The following CNNM2 variants were observed in gnomAD, a reference collection of about 807,000 sequenced individuals.
The protein encoded by CNNM2 is cyclin and CBS domain divalent metal cation transport mediator 2.
A neutral mutation model predicts 66.9 loss-of-function variants in CNNM2; 12 were observed. The ratio of observed to expected loss-of-function variants is 0.18; its 90% confidence interval spans 0.11 to 0.29. The LOEUF (loss-of-function observed/expected upper bound fraction) is 0.29, where lower values mean the gene tolerates loss of function less well. Among genes scored for constraint, CNNM2 ranks in the 10% least tolerant of loss-of-function variants. CNNM2 has a pLI of 1.00. For synonymous variants in CNNM2, 557 were observed against 501.8 expected, an observed-to-expected ratio of 1.11 and a Z score of -1.47; for missense variants, 705 against 1,167.7, an observed-to-expected ratio of 0.60 and a Z score of 5.77.
At chr10:102,945,259 C>T (rs1162761140) in intron 1 of CNNM2, among the ~76,000 whole-genome samples, 1 of 152,052 alleles carries the variant, frequency 6.6e-6, no homozygotes, top group African/African-American at 2.4e-5. Flanking sequence ...GTTCAAAGCA[C>T]CTTATTTTCC....
intron 1 of CNNM2, among the ~76,000 whole-genome samples, chr10:103,022,796 C>T (rs1453482723): frequency 2.6e-5 from 4 of 152,148 alleles, no homozygotes; most frequent in African/African-American, 9.7e-5. Flanking sequence ...CTGGCATCTG[C>T]TCCTGGTGAG....
intron 1 of CNNM2, among the ~76,000 whole-genome samples, chr10:102,936,995 A>G (rs1472344899): frequency 6.6e-6 from 1 of 152,044 alleles, no homozygotes; most frequent in Non-Finnish European, 1.5e-5. Context: ...CATTTATGCC[A>G]TTTTTTCCTC....
Position 103,054,212 on chromosome 10 carries a change from C to T in CNNM2, c.1766-117C>T. 1 of 1,181,176 alleles carries T rather than the reference C, an allele frequency of 8.5e-7. No homozygotes were observed. Among genetic ancestry groups the T allele is most frequent in the South Asian group, 1.5e-5 (1 of 64,594 alleles). The allele number at this position is 1,181,176 out of a possible 1,614,324, so 73.2% of individuals were successfully genotyped here. On this transcript the variant is annotated intron_variant, in intron 2 of 7. Transcript: ENST00000369878. The surrounding 1 kb of genome is among the most constrained non-coding windows in gnomAD (Gnocchi z 5.2). The stretch of plus-strand genomic sequence containing the variant: ...CCCGTGGCATCTGTGCATAGAGCGC[C>T]TGCATCTGGAAATACAGTCCAGCTC...
At chr10:102,963,277 C>G (rs1251522214) in intron 1 of CNNM2, among the ~76,000 whole-genome samples, 3 of 152,202 alleles carry the variant, frequency 2.0e-5, no homozygotes, top group African/African-American at 7.2e-5. Context: ...CTGTCCTTGA[C>G]TTCTTCCCCT....
At chr10:102,996,404 T>G (rs1306424906) in intron 1 of CNNM2, among the ~76,000 whole-genome samples, 1 of 152,218 alleles carries the variant, frequency 6.6e-6, no homozygotes, top group African/African-American at 2.4e-5. Context: ...TGTTTATAAC[T>G]GCAATTAAGA....
chr10:103,046,904 G>A (rs142970202), intron 1 of CNNM2, among the ~76,000 whole-genome samples: 3 of 152,284 alleles, frequency 2.0e-5, no homozygotes, highest in Admixed American at 2.0e-4. Context: ...TTTATTAAAG[G>A]TTAGTTGTAA....
At chr10:103,020,446 T>C (rs1156952281) in intron 1 of CNNM2, among the ~76,000 whole-genome samples, 1 of 152,074 alleles carries the variant, frequency 6.6e-6, no homozygotes, top group Non-Finnish European at 1.5e-5. Flanking sequence ...ATGAGCACTT[T>C]TGAATTCTTG....
At chr10:102,984,671 TA>T (rs527543040) in intron 1 of CNNM2, among the ~76,000 whole-genome samples, 65 of 152,334 alleles carry the variant, frequency 4.3e-4, no homozygotes, top group Non-Finnish European at 1.3e-4. Flanking sequence ...ACTTCTATCT[TA>T]TTTTTTTGAG....
intron 1 of CNNM2, among the ~76,000 whole-genome samples, chr10:102,972,921 A>G (rs1564826552): frequency 6.6e-6 from 1 of 152,184 alleles, no homozygotes; most frequent in African/African-American, 2.4e-5. Context: ...TATCTTGACA[A>G]TTGTGTTAAA....
At chr10:102,961,915 A>C (rs2063385412) in intron 1 of CNNM2, among the ~76,000 whole-genome samples, 1 of 128,356 alleles carries the variant, frequency 7.8e-6, no homozygotes, top group Non-Finnish European at 1.8e-5. Flanking sequence ...TAAATTAAAT[A>C]TTAAAAAAAA....
chr10:103,034,937 C>T (rs931080333), intron 1 of CNNM2, among the ~76,000 whole-genome samples: 8 of 139,536 alleles, frequency 5.7e-5, no homozygotes, highest in East Asian at 2.1e-4. Context: ...CTGCAGTCTG[C>T]AGTCCGGCCT....
chr10:103,017,609 A>C (rs762157726), intron 1 of CNNM2, among the ~76,000 whole-genome samples: 1 of 152,230 alleles, frequency 6.6e-6, no homozygotes, highest in Non-Finnish European at 1.5e-5. Flanking sequence ...AAGTGGAGAC[A>C]GGAAGAGCAA....
intron 4 of CNNM2, 141 bp from the exon 5 acceptor site, chr10:103,068,488 A>G (rs753859590): frequency 3.5e-5 from 25 of 721,040 alleles, no homozygotes; most frequent in Non-Finnish European, 5.5e-5. Context: ...CTCAGTGGGA[A>G]AGATGAGCTG....
rs2065776484 is a variant in CNNM2, at chr10:103,083,568, T to TA, written c.*6390dup. 6.6e-6 allele frequency: 1 copy of TA among 152,204 alleles called. No homozygotes were observed. The allele number at this position is 152,204 out of a possible 1,614,324, so 9.4% of individuals were successfully genotyped here. ...ATCTTCTTTGGACAGTGTAAAGTCTTAAGAGAAGTGGGTACTAGTTCTGTG... is the reference window on the plus strand; with the variant it reads ...ATCTTCTTTGGACAGTGTAAAGTCTTAAAGAGAAGTGGGTACTAGTTCTGTG... On this transcript the variant is annotated 3_prime_UTR_variant, in exon 8 of 8. Coordinates refer to ENST00000369878, the MANE Select transcript of CNNM2 (RefSeq NM_017649.5).
intron 1 of CNNM2, among the ~76,000 whole-genome samples, chr10:103,002,320 A>G (rs1285273561): frequency 6.6e-6 from 1 of 152,192 alleles, no homozygotes; most frequent in African/African-American, 2.4e-5. Flanking sequence ...CTTAATAGAC[A>G]TTTCTCTAAC....
Position 103,089,931 on chromosome 10 carries a change from C to T in CNNM2, c.*12751C>T, listed in dbSNP as rs1255839676. The T allele has an allele frequency of 1.3e-6, 2 of 1,560,360 alleles. No homozygotes were observed. The highest frequency in any genetic ancestry group is 1.7e-6 in the Non-Finnish European group (2 of 1,152,404). ...CATCTAGACAGAAAAAAGCTAGAGG[C>T]TCAGAAAGCAGGCAGAGCAAAGTAG... On this transcript the variant is annotated 3_prime_UTR_variant, in exon 8 of 8. Coordinates refer to ENST00000369878, the MANE Select transcript of CNNM2 (RefSeq NM_017649.5).
In CNNM2 at chr10:102,919,305, C is replaced by T. The variant is rs766543892; in HGVS notation, c.825C>T (p.Leu275=). The T allele has an allele frequency of 1.2e-6, 2 of 1,613,870 alleles. No individual in the cohort carries two copies. Among genetic ancestry groups the T allele is most frequent in the Non-Finnish European group, 1.7e-6 (2 of 1,180,040 alleles). Reference sequence around the variant, plus strand: ...GCCTGTCGGGCATGTTCAGCGGCCTCAACCTGGGGCTCATGGCCCTGGACC... The same window carrying T: ...GCCTGTCGGGCATGTTCAGCGGCCTTAACCTGGGGCTCATGGCCCTGGACC... The part of the protein sequence containing the change: ...LLCLSGMFSG[L]NLGLMALDPM... The change falls in exon 1 of 8, where the codon CTC becomes CTT. Residue 275 remains leucine (L), a synonymous_variant. Transcript: ENST00000369878.
intron 1 of CNNM2, among the ~76,000 whole-genome samples, chr10:103,011,603 G>C (rs1446924121): frequency 6.6e-6 from 1 of 150,972 alleles, no homozygotes; most frequent in African/African-American, 2.4e-5. Context: ...AAAAGCAACT[G>C]GTAACTGTTA....
intron 1 of CNNM2, among the ~76,000 whole-genome samples, chr10:102,954,764 T>C (rs1264247547): frequency 6.6e-6 from 1 of 152,180 alleles, no homozygotes; most frequent in Non-Finnish European, 1.5e-5. Flanking sequence ...TAAGAACCAC[T>C]TGCTGGCTGG....
Sources: gnomAD v4.1 joint callset for allele counts (sites outside exome capture counted in the v4.1 genomes callset) on GRCh38, gnomAD v4.1.1 for gene constraint, Gnocchi (gnomAD v3.1) non-coding constraint, MANE v1.5 for transcripts, NCBI Gene and HGNC (gene_info 2026-07-23, HGNC 2026-07-21) for gene names.